The following CBLB variants were observed in gnomAD, a reference collection of about 807,000 sequenced individuals.
CBLB encodes the protein E3 ubiquitin-protein ligase CBL-B.
CBLB carries 31 observed loss-of-function variants against 104.9 expected under a neutral mutation model. The ratio of observed to expected loss-of-function variants is 0.30; its 90% CI spans 0.22 to 0.40. CBLB has a LOEUF of 0.40. CBLB is among the 10% of genes least tolerant of loss of function. The pLI is 1.00. For synonymous variants in CBLB, 440 were observed against 422.6 expected (o/e 1.04, Z -0.51); for missense variants, 1,062 against 1,214.6 (o/e 0.87, Z 1.87).
intron 10 of CBLB, among the ~76,000 whole-genome samples, chr3:105,718,547 T>G (rs939233107): frequency 6.6e-6 from 1 of 152,154 alleles, no homozygotes; most frequent in East Asian, 1.9e-4. Flanking sequence ...AGCATTTCCT[T>G]CCTACAGAGA....
intron 2 of CBLB, among the ~76,000 whole-genome samples, chr3:105,855,371 T>C (rs1398070725): frequency 6.6e-6 from 1 of 152,212 alleles, no homozygotes; most frequent in Non-Finnish European, 1.5e-5. Flanking sequence ...AATAATACTG[T>C]ATTCTGAAAA....
At chr3:105,710,860 C>T (rs2301042) in intron 10 of CBLB, among the ~76,000 whole-genome samples, 3,405 of 151,940 alleles carry the variant, frequency 0.022, 89 homozygotes, top group East Asian at 0.12. Context: ...ATAACTACCA[C>T]GAGGAACAGA....
intron 3 of CBLB, among the ~76,000 whole-genome samples, chr3:105,806,610 A>C (rs570050273): frequency 6.6e-6 from 1 of 152,188 alleles, no homozygotes; most frequent in East Asian, 1.9e-4. Context: ...CTGGCTGAAA[A>C]CCAACTCAAA....
chr3:105,673,214 G>A (rs2065256920), intron 17 of CBLB: 3 of 151,904 alleles, frequency 2.0e-5, no homozygotes, highest in East Asian at 1.9e-4. Context: ...GACTACAGGC[G>A]CGAGCCACCA....
intron 3 of CBLB, among the ~76,000 whole-genome samples, chr3:105,837,707 G>C (rs900884789): frequency 1.3e-5 from 2 of 152,122 alleles, no homozygotes; most frequent in African/African-American, 4.8e-5. Flanking sequence ...GTTAAGAGTT[G>C]CTTTGAAATA....
chr3:105,868,347 G>T, intron 1 of CBLB: 1 of 592,506 alleles, frequency 1.7e-6, no homozygotes, highest in Non-Finnish European at 2.5e-6. Context: ...CAGGACGCCT[G>T]TGTCCCTTCC....
intron 16 of CBLB, among the ~76,000 whole-genome samples, chr3:105,680,618 G>A (rs2066201001): frequency 6.6e-6 from 1 of 152,208 alleles, no homozygotes; most frequent in South Asian, 2.1e-4. Flanking sequence ...GAGAGAACAG[G>A]AGCAAAAGAT....
At chr3:105,823,660 T>C (rs1045296935) in intron 3 of CBLB, among the ~76,000 whole-genome samples, 6 of 152,294 alleles carry the variant, frequency 3.9e-5, no homozygotes, top group Admixed American at 6.5e-5. Context: ...CCTACTGCTA[T>C]GCAAGGTCTG....
rs544193794 is a variant in CBLB at position 105,805,682 on chromosome 3, C to T, written c.420-29140G>A. Reference sequence around the variant, plus strand: ...CATTAAAAACCCTTTACATGTCTTACGGCTTCAGGCTGCAAGAGCCTTCCC... The same window carrying T: ...CATTAAAAACCCTTTACATGTCTTATGGCTTCAGGCTGCAAGAGCCTTCCC... On this transcript the variant is annotated intron_variant, in intron 3 of 18. Coordinates refer to ENST00000394030, the MANE Select transcript of CBLB (RefSeq NM_170662.5). Among the ~76,000 whole-genome samples the T allele has an allele frequency of 4.6e-4, 70 of 152,246 alleles. No individual in the cohort carries two copies. The Middle Eastern group carries it at 0.014, about 30-fold the overall frequency.
At chr3:105,858,178 C>T (rs2091790196) in intron 2 of CBLB, among the ~76,000 whole-genome samples, 1 of 152,158 alleles carries the variant, frequency 6.6e-6, no homozygotes, top group South Asian at 2.1e-4. Flanking sequence ...GAAAGTGCAA[C>T]ATACAATGCT....
chr3:105,801,092 CT>C (rs2082809516), intron 3 of CBLB, among the ~76,000 whole-genome samples: 2 of 151,896 alleles, frequency 1.3e-5, no homozygotes, highest in Admixed American at 6.6e-5. Context: ...TTCTTAATCG[CT>C]TGTGAGTTGA....
intron 3 of CBLB, among the ~76,000 whole-genome samples, chr3:105,828,224 C>CT (rs751423778): frequency 1.3e-5 from 2 of 152,202 alleles, no homozygotes; most frequent in Non-Finnish European, 2.9e-5. Flanking sequence ...GCACAGCTCA[C>CT]TTCTACTCAC....
At chr3:105,725,944 G>A (rs550758164) in intron 9 of CBLB, among the ~76,000 whole-genome samples, 1 of 151,950 alleles carries the variant, frequency 6.6e-6, no homozygotes, top group Non-Finnish European at 1.5e-5. Context: ...CTGCCTCTAG[G>A]GTTCAGGCCA....
intron 9 of CBLB, among the ~76,000 whole-genome samples, chr3:105,721,576 T>C (rs958993087): frequency 2.0e-5 from 3 of 152,084 alleles, no homozygotes. Flanking sequence ...GAAAAGAAAC[T>C]TGGAATGGTA....
At chr3:105,866,085 T>G (rs976542686) in intron 2 of CBLB, among the ~76,000 whole-genome samples, 6 of 152,138 alleles carry the variant, frequency 3.9e-5, no homozygotes, top group African/African-American at 1.4e-4. Flanking sequence ...CTGGAGCACT[T>G]TAATATAACA....
chr3:105,719,009 C>A (rs1272137284), intron 10 of CBLB, among the ~76,000 whole-genome samples: 1 of 152,148 alleles, frequency 6.6e-6, no homozygotes, highest in African/African-American at 2.4e-5. Flanking sequence ...TTAAACTGGG[C>A]AGTAACATCC....
chr3:105,814,140 CAA>C (rs753833575), intron 3 of CBLB, among the ~76,000 whole-genome samples: 1 of 152,042 alleles, frequency 6.6e-6, no homozygotes, highest in African/African-American at 2.4e-5. Flanking sequence ...CTTGAGAAAT[CAA>C]AGAGTGAGAC....
intron 5 of CBLB, among the ~76,000 whole-genome samples, chr3:105,750,000 G>C (rs1351862769): frequency 6.6e-6 from 1 of 151,184 alleles, no homozygotes; most frequent in African/African-American, 2.4e-5. Flanking sequence ...TAATTGTAAT[G>C]AAGTGAAATA....
At chr3:105,794,394 C>T (rs376172444) in intron 3 of CBLB, among the ~76,000 whole-genome samples, 23 of 152,178 alleles carry the variant, frequency 1.5e-4, no homozygotes, top group African/African-American at 4.8e-4. Context: ...ATTAACCTTA[C>T]GGAGCAGTTT....
Sources: allele counts gnomAD v4.1 joint callset (sites outside exome capture counted in the v4.1 genomes callset), GRCh38; gene constraint gnomAD v4.1.1; transcripts MANE v1.5; gene names NCBI Gene and HGNC (gene_info 2026-07-23, HGNC 2026-07-21).